Variants in ZNF804B observed in about 807,000 individuals in gnomAD.
ZNF804B encodes the protein zinc finger protein 804B.
A neutral mutation model predicts 101.4 loss-of-function variants in ZNF804B; 80 were observed. The ratio of observed to expected loss-of-function variants is 0.79; its 90% CI spans 0.66 to 0.95. ZNF804B has a LOEUF of 0.95. ZNF804B is among the 40% of genes least tolerant of loss of function. The pLI, the probability that ZNF804B is intolerant of heterozygous loss-of-function variation, is 0.00. For synonymous variants in ZNF804B, 622 were observed against 558.8 expected (o/e 1.11, Z -1.59); for missense variants, 1,673 against 1,561.9 (o/e 1.07, Z -1.20).
chr7:88,965,213 T>C (rs1793437695), intron 1 of ZNF804B, among the ~76,000 whole-genome samples: 1 of 151,452 alleles, frequency 6.6e-6, no homozygotes, highest in Non-Finnish European at 1.5e-5. Context: ...CCTTCTTTCC[T>C]TACAAAATAA....
intron 1 of ZNF804B, among the ~76,000 whole-genome samples, chr7:88,804,717 A>G (rs576190947): frequency 6.6e-6 from 1 of 152,214 alleles, no homozygotes; most frequent in East Asian, 1.9e-4. Flanking sequence ...CATATAACCT[A>G]TTATGCTAAA....
chr7:88,955,561 T>A (rs564730607), intron 1 of ZNF804B, among the ~76,000 whole-genome samples: 52 of 151,796 alleles, frequency 3.4e-4, no homozygotes, highest in African/African-American at 3.4e-4. Flanking sequence ...TTCCTTTTCA[T>A]CATTTTACAT....
chr7:88,812,592 G>A (rs1462210821), intron 1 of ZNF804B, among the ~76,000 whole-genome samples: 3 of 152,196 alleles, frequency 2.0e-5, no homozygotes, highest in Non-Finnish European at 4.4e-5. Context: ...ATTCACAATA[G>A]CTAAGAAGTG....
intron 2 of ZNF804B, among the ~76,000 whole-genome samples, chr7:89,284,244 C>T (rs954596681): frequency 2.0e-5 from 3 of 152,164 alleles, no homozygotes; most frequent in Admixed American, 6.5e-5. Context: ...TTAAAAATGC[C>T]TTGTGATGCT....
intron 2 of ZNF804B, among the ~76,000 whole-genome samples, chr7:89,238,535 T>G (rs1351743421): frequency 1.3e-5 from 2 of 152,152 alleles, no homozygotes; most frequent in Admixed American, 6.5e-5. Flanking sequence ...GCAGTTAAAT[T>G]TATATGTATG....
At chr7:88,926,766 A>G (rs1451844944) in intron 1 of ZNF804B, among the ~76,000 whole-genome samples, 1 of 152,162 alleles carries the variant, frequency 6.6e-6, no homozygotes, top group Non-Finnish European at 1.5e-5. Flanking sequence ...ATTGAAACAT[A>G]CATGATGCCA....
chr7:88,850,815 C>T (rs1197769031), intron 1 of ZNF804B, among the ~76,000 whole-genome samples: 4 of 152,034 alleles, frequency 2.6e-5, no homozygotes, highest in African/African-American at 9.7e-5. Context: ...CAACAAAAAT[C>T]ATTCAAAACT....
At chr7:89,208,373 C>T (rs556985708) in intron 1 of ZNF804B, among the ~76,000 whole-genome samples, 2 of 152,234 alleles carry the variant, frequency 1.3e-5, no homozygotes, top group South Asian at 2.1e-4. Context: ...TGAGCCACCG[C>T]GCCTAGCCCT....
chr7:88,927,447 T>C (rs911587289), intron 1 of ZNF804B, among the ~76,000 whole-genome samples: 25 of 152,166 alleles, frequency 1.6e-4, no homozygotes, highest in African/African-American at 5.5e-4. Context: ...ATTGAAGGCC[T>C]GAGACACCAT....
intron 1 of ZNF804B, among the ~76,000 whole-genome samples, chr7:89,197,039 C>A (rs529605976): frequency 4.0e-5 from 6 of 151,882 alleles, no homozygotes; most frequent in Non-Finnish European, 8.8e-5. Context: ...ATTAGTTCAA[C>A]CATTATGGGA....
At chr7:88,848,990 T>A (rs1428974214) in intron 1 of ZNF804B, among the ~76,000 whole-genome samples, 3 of 152,132 alleles carry the variant, frequency 2.0e-5, no homozygotes, top group African/African-American at 7.2e-5. Flanking sequence ...GATCATAGCA[T>A]GAAGAAAATG....
At chr7:89,117,360 T>C (rs1562888903) in intron 1 of ZNF804B, among the ~76,000 whole-genome samples, 2 of 152,246 alleles carry the variant, frequency 1.3e-5, no homozygotes, top group African/African-American at 2.4e-5. Context: ...CTGGGTTAAG[T>C]TAAGCCAATA....
At chr7:88,836,606 A>C (rs1178679775) in intron 1 of ZNF804B, among the ~76,000 whole-genome samples, 2 of 152,030 alleles carry the variant, frequency 1.3e-5, no homozygotes, top group Non-Finnish European at 2.9e-5. Flanking sequence ...AGAAATAATA[A>C]ATTATAAATA....
intron 1 of ZNF804B, among the ~76,000 whole-genome samples, chr7:88,823,797 C>A (rs561759554): frequency 2.0e-5 from 3 of 151,934 alleles, no homozygotes; most frequent in Non-Finnish European, 4.4e-5. Context: ...TGCTTACTGG[C>A]TTGAGAGAAC....
At chr7:89,012,478 T>A (rs1788480448) in intron 1 of ZNF804B, among the ~76,000 whole-genome samples, 1 of 152,114 alleles carries the variant, frequency 6.6e-6, no homozygotes, top group African/African-American at 2.4e-5. Flanking sequence ...CTTTTAAACA[T>A]TCCAAGCCAT....
Position 89,127,640 on chromosome 7 carries a change from T to C in ZNF804B, c.109-90515T>C, listed in dbSNP as rs538272900. ...TAAGCGCAGATAACATATAGTTCTT[T>C]TTAGTCCCATAGGAAGCCATAGTGT... On this transcript the variant is annotated intron_variant, in intron 1 of 3. Transcript: ENST00000333190. Among the ~76,000 whole-genome samples, 45 of 151,902 alleles carry C rather than the reference T, an allele frequency of 3.0e-4. No homozygotes were observed. In the South Asian group the frequency reaches 8.5e-3, roughly 29 times the overall value.
intron 1 of ZNF804B, among the ~76,000 whole-genome samples, chr7:88,776,689 G>A (rs1790146831): frequency 6.9e-6 from 1 of 144,792 alleles, no homozygotes; most frequent in Non-Finnish European, 1.5e-5. Flanking sequence ...TAAAACTACT[G>A]TCTCTGTGCT....
intron 1 of ZNF804B, among the ~76,000 whole-genome samples, chr7:88,767,303 C>T (rs1206776188): frequency 6.6e-6 from 1 of 152,192 alleles, no homozygotes; most frequent in Non-Finnish European, 1.5e-5. Flanking sequence ...AACCCACCTA[C>T]CAGTGTTCTT....
intron 1 of ZNF804B, among the ~76,000 whole-genome samples, chr7:88,803,785 T>A (rs372381520): frequency 6.6e-6 from 1 of 152,080 alleles, no homozygotes; most frequent in East Asian, 1.9e-4. Flanking sequence ...TCTGGACTTA[T>A]GATGAAAATT....
Sources: allele counts gnomAD v4.1 joint callset (sites outside exome capture counted in the v4.1 genomes callset), GRCh38; gene constraint gnomAD v4.1.1; transcripts MANE v1.5; gene names NCBI Gene and HGNC (gene_info 2026-07-23, HGNC 2026-07-21).